Variants in NOC4L observed in about 807,000 individuals in gnomAD.
NOC4L encodes the protein nucleolar complex protein 4 homolog.
NOC4L carries 40 observed loss-of-function variants against 62.8 expected under a neutral mutation model. That is an observed-to-expected ratio of 0.64 (90% CI 0.49 to 0.83). The LOEUF (loss-of-function observed/expected upper bound fraction) is 0.83, where lower values mean the gene tolerates loss of function less well. Ranked by LOEUF, NOC4L falls within the 40% of genes least tolerant of loss-of-function variation. The pLI is 0.00. For missense variants in NOC4L, 927 were observed against 701.9 expected (o/e 1.32, Z -3.62); for synonymous variants, 433 against 299.8 (o/e 1.44, Z -4.59).
chr12:132,151,838 A>C lies in NOC4L; in HGVS notation c.1317+18A>C. On this transcript the variant is annotated intron_variant, in intron 13 of 14. Coordinates refer to ENST00000330579, the MANE Select transcript of NOC4L (RefSeq NM_024078.3). ...AGCTTCAGGTGAGGGCGCTGCTGCCACACCCTGGGGCCTCCCGAGCCATCC... is the reference window on the plus strand; with the variant it reads ...AGCTTCAGGTGAGGGCGCTGCTGCCCCACCCTGGGGCCTCCCGAGCCATCC... The C allele has an allele frequency of 6.2e-7, 1 of 1,606,510 alleles. No homozygotes were observed. The highest frequency in any genetic ancestry group is 8.5e-7 in the Non-Finnish European group (1 of 1,175,938).
intron 10 of NOC4L, 27 bp from the exon 11 acceptor site, chr12:132,151,231 C>G: frequency 1.3e-6 from 2 of 1,582,016 alleles, no homozygotes; most frequent in Non-Finnish European, 1.7e-6. Context: ...CCTGCTCCAT[C>G]CGCTGCTCCT....
Position 132,144,562 on chromosome 12 carries a change from G to T in NOC4L, c.74G>T (p.Arg25Leu). The change falls in exon 1 of 15, where the codon CGC becomes CTC. Residue 25 changes from arginine (R) to leucine (L), a missense_variant. Coordinates refer to ENST00000330579, the MANE Select transcript of NOC4L (RefSeq NM_024078.3). ...GRRLEAVLAS[R>L]SEANAVFDIL... The stretch of plus-strand genomic sequence containing the variant: ...CGGCTGGAGGCGGTGCTGGCGAGCC[G>T]CAGTGAGGCCAACGCCGTGTTCGAC... 6.6e-7 allele frequency: 1 copy of T among 1,521,458 alleles called. No individual in the cohort carries two copies. The highest frequency in any genetic ancestry group is 8.8e-7 in the Non-Finnish European group (1 of 1,142,364). The allele number at this position is 1,521,458 out of a possible 1,614,324, so 94.2% of individuals were successfully genotyped here. A position where few individuals can be genotyped will look rare whatever the true frequency, so the allele number is the denominator to read the frequency against.
chr12:132,151,230 T>C (rs753800497), intron 10 of NOC4L, 28 bp from the exon 11 acceptor site: 66 of 1,580,732 alleles, frequency 4.2e-5, no homozygotes, highest in African/African-American at 5.4e-5. Context: ...CCCTGCTCCA[T>C]CCGCTGCTCC....
chr12:132,146,126 A>G, intron 3 of NOC4L: 1 of 406,916 alleles, frequency 2.5e-6, no homozygotes, highest in Non-Finnish European at 5.0e-6. Flanking sequence ...CCCGAAAAGA[A>G]ATCCTGTACC....
rs369175365 is a variant in NOC4L, at chr12:132,150,963, G to T, written c.902-18G>T. On this transcript the variant is annotated intron_variant, in intron 9 of 14. Coordinates refer to ENST00000330579, the MANE Select transcript of NOC4L (RefSeq NM_024078.3). ...AGCGAGGTCACTGCAGCTCCAGCCT[G>T]TGTCTGTCTGTCTGCAGGGGGGGCC... 3.3e-5 allele frequency: 52 copies of T among 1,595,088 alleles called. No individual in the cohort carries two copies. Among genetic ancestry groups the T allele is most frequent in the Admixed American group, 1.0e-4 (6 of 58,954 alleles).
Position 132,148,762 on chromosome 12 carries a change from C to T in NOC4L, c.790-22C>T. 2.1e-6 allele frequency: 3 copies of T among 1,431,592 alleles called. No individual in the cohort carries two copies. The East Asian group carries it at 7.7e-5, about 37-fold the overall frequency. 88.7% of individuals were successfully genotyped at this position (1,431,592 alleles called of 1,614,324 possible). A position where few individuals can be genotyped will look rare whatever the true frequency, so the allele number is the denominator to read the frequency against. Reference sequence around the variant, plus strand: ...GCCCCCGCCCACCCGCCCCTCACCCCCACCTGCCGGCCCCCGCCCAGCTGC... The same window carrying T: ...GCCCCCGCCCACCCGCCCCTCACCCTCACCTGCCGGCCCCCGCCCAGCTGC... On this transcript the variant is annotated intron_variant, in intron 8 of 14. Coordinates refer to ENST00000330579, the MANE Select transcript of NOC4L (RefSeq NM_024078.3).
chr12:132,151,419 G>A (rs372430789), intron 11 of NOC4L, 51 bp downstream of exon 11: 17 of 1,602,076 alleles, frequency 1.1e-5, no homozygotes, highest in African/African-American at 6.7e-5. Flanking sequence ...CTGCAGCCTG[G>A]GGCCAGGGGA....
chr12:132,148,600 C>G lies in NOC4L; in HGVS notation c.739-9C>G, dbSNP rs1358725743. 2 of 1,549,484 alleles carry G rather than the reference C, an allele frequency of 1.3e-6. No homozygotes were observed. Among genetic ancestry groups the G allele is most frequent in the African/African-American group, 2.7e-5 (2 of 72,848 alleles). ...GAGGGCGGCGAGTGCAGTCTGGACC[C>G]CGTTGCAGGAGCACAGGAGGGTTTT... On this transcript the variant is annotated splice_polypyrimidine_tract_variant and intron_variant, in intron 7 of 14. Coordinates refer to ENST00000330579, the MANE Select transcript of NOC4L (RefSeq NM_024078.3).
In NOC4L at chr12:132,147,956, C is replaced by T. The variant is rs1171633950; in HGVS notation, c.680C>T (p.Ser227Phe). ...CTGCCCCGCCGGGAGCCCACCGTCTCCAGCTTCTATGTGAAGCGGGCGGGT... is the reference window on the plus strand; with the variant it reads ...CTGCCCCGCCGGGAGCCCACCGTCTTCAGCTTCTATGTGAAGCGGGCGGGT... The part of the protein sequence containing the change: ...VSLPRREPTV[S>F]SFYVKRAELW... The change falls in exon 6 of 15, where the codon TCC becomes TTC. Residue 227 changes from serine (S) to phenylalanine (F), a missense_variant. Ser to Phe is a radical substitution (Grantham distance 155). Coordinates refer to ENST00000330579, the MANE Select transcript of NOC4L (RefSeq NM_024078.3). The T allele has an allele frequency of 1.4e-5, 22 of 1,609,952 alleles. No homozygotes were observed. The highest frequency in any genetic ancestry group is 1.9e-5 in the Non-Finnish European group (22 of 1,178,568).
Position 132,148,845 on chromosome 12 carries a change from T to C in NOC4L, c.851T>C (p.Leu284Pro). Residue 284 changes from leucine (L) to proline (P), a missense_variant, in exon 9 of 15, where the codon CTG becomes CCG. Transcript: ENST00000330579. Reference protein sequence around the residue: ...LIVHDAILPQLAQPTLMIDFL... With the variant: ...LIVHDAILPQPAQPTLMIDFL... The stretch of plus-strand genomic sequence containing the variant: ...GTGCATGACGCCATCCTGCCGCAGC[T>C]GGCGCAGCCCACGCTCATGATCGAC... The C allele has an allele frequency of 6.2e-7, 1 of 1,602,834 alleles. No individual in the cohort carries two copies. The highest frequency in any genetic ancestry group is 8.5e-7 in the Non-Finnish European group (1 of 1,178,696).
chr12:132,145,295 T>G (rs1439054752), intron 2 of NOC4L, among the ~76,000 whole-genome samples: 1 of 152,090 alleles, frequency 6.6e-6, no homozygotes, highest in Non-Finnish European at 1.5e-5. Context: ...GGACGTCAGG[T>G]CTTGGAGTAA....
rs199897574 is a variant in NOC4L at position 132,147,706 on chromosome 12, A to G, written c.527A>G (p.Asp176Gly). 5 of 1,612,760 alleles carry G rather than the reference A, an allele frequency of 3.1e-6. No homozygotes were observed. The highest frequency in any genetic ancestry group is 4.2e-6 in the Non-Finnish European group (5 of 1,179,956). Residue 176 changes from aspartate (D) to glycine (G), a missense_variant, in exon 5 of 15, where the codon GAC (aspartate) becomes GGC (glycine). By Grantham distance (94) the Asp-to-Gly change is moderately conservative. Coordinates refer to ENST00000330579, the MANE Select transcript of NOC4L (RefSeq NM_024078.3). ...CTGTCCCAGTTCCGGGAGTACCTGG[A>G]CTACGACGACACCCGCTACCACACC... is the stretch of plus-strand genomic sequence containing the variant. Reference protein sequence around the residue: ...LLLSQFREYLDYDDTRYHTMQ... With the variant: ...LLLSQFREYLGYDDTRYHTMQ...
chr12:132,147,236 G>T, intron 3 of NOC4L, 45 bp from the exon 4 acceptor site: 4 of 1,380,644 alleles, frequency 2.9e-6, no homozygotes, highest in Non-Finnish European at 2.9e-6. Flanking sequence ...GGGCCCATCC[G>T]TGGGGTGAGG....
chr12:132,145,006 C>T (rs768887795), intron 2 of NOC4L, 32 bp downstream of exon 2: 4 of 1,565,460 alleles, frequency 2.6e-6, no homozygotes, highest in Non-Finnish European at 1.7e-6. Context: ...GGCTGCTCTT[C>T]TCTTTCCGTG....
At position 132,152,137 on chromosome 12, in the gene NOC4L, C is replaced by T. The variant is rs372798627; in HGVS notation, c.1371C>T (p.Asn457=). The T allele has an allele frequency of 2.5e-6, 4 of 1,611,460 alleles. No homozygotes were observed. Among genetic ancestry groups the T allele is most frequent in the African/African-American group, 2.7e-5 (2 of 74,984 alleles). ...TGTCCAAAGCCGCCAGCGTCATCAA[C>T]CAGGCCCTGTCCATGCCTGAGGTCA... ...PEVSKAASVI[N]QALSMPEVSI... Residue 457 remains asparagine (N), a synonymous_variant, in exon 14 of 15, where the codon AAC becomes AAT. Coordinates refer to ENST00000330579, the MANE Select transcript of NOC4L (RefSeq NM_024078.3).
Position 132,151,328 on chromosome 12 carries a change from G to A in NOC4L, c.1033G>A (p.Ala345Thr), listed in dbSNP as rs149558270. The stretch of plus-strand genomic sequence containing the variant: ...CTCTGTCTTTCACGTCAAGTACCGC[G>A]CCCGCTTCTTCCACCTGGCTGACCT... ...DPSVFHVKYRARFFHLADLFL... is the reference protein window; with the variant it reads ...DPSVFHVKYRTRFFHLADLFL... Residue 345 changes from alanine (A) to threonine (T), a missense_variant, in exon 11 of 15, where the codon GCC (alanine) becomes ACC (threonine). Transcript: ENST00000330579. 2.7e-4 allele frequency: 433 copies of A among 1,611,440 alleles called. No homozygotes were observed. Among genetic ancestry groups the A allele is most frequent in the African/African-American group, 2.2e-3 (165 of 75,020 alleles).
In NOC4L at chr12:132,144,855, C is replaced by T. The variant is rs1897647912; in HGVS notation, c.119C>T (p.Ser40Phe). The change falls in exon 2 of 15, where the codon TCT becomes TTT. Residue 40 changes from serine to phenylalanine, a missense_variant and splice_region_variant. Transcript: ENST00000330579. Reference protein sequence around the residue: ...AVFDILAVLQSEDQEEIQEAV... With the variant: ...AVFDILAVLQFEDQEEIQEAV... Reference sequence around the variant, plus strand: ...ACCCTGCCGCCGCCTCTCCTGCAGTCTGAGGACCAGGAGGAGATCCAGGAA... The same window carrying T: ...ACCCTGCCGCCGCCTCTCCTGCAGTTTGAGGACCAGGAGGAGATCCAGGAA... 1.2e-6 allele frequency: 2 copies of T among 1,600,468 alleles called. No homozygotes were observed. Among genetic ancestry groups the T allele is most frequent in the Non-Finnish European group, 1.7e-6 (2 of 1,175,534 alleles).
At position 132,148,864 on chromosome 12, in the gene NOC4L, G is replaced by A. The variant is rs1157676784; in HGVS notation, c.870G>A (p.Met290Ile). The A allele has an allele frequency of 1.2e-6, 2 of 1,600,592 alleles. No homozygotes were observed. Among genetic ancestry groups the A allele is most frequent in the Admixed American group, 1.7e-5 (1 of 59,728 alleles). Residue 290 changes from methionine to isoleucine, a missense_variant, in exon 9 of 15, where the codon ATG becomes ATA. Coordinates refer to ENST00000330579, the MANE Select transcript of NOC4L (RefSeq NM_024078.3). ...ILPQLAQPTL[M>I]IDFLTRACDL... ...CGCAGCTGGCGCAGCCCACGCTCATGATCGACTTCCTCACCCGCGCCTGCG... is the reference window on the plus strand; with the variant it reads ...CGCAGCTGGCGCAGCCCACGCTCATAATCGACTTCCTCACCCGCGCCTGCG...
rs563318807 is a variant in NOC4L, at chr12:132,144,859, G to A, written c.123G>A (p.Glu41=). Reference sequence around the variant, plus strand: ...TGCCGCCGCCTCTCCTGCAGTCTGAGGACCAGGAGGAGATCCAGGAAGCAG... The same window carrying A: ...TGCCGCCGCCTCTCCTGCAGTCTGAAGACCAGGAGGAGATCCAGGAAGCAG... ...VFDILAVLQS[E]DQEEIQEAVR... Residue 41 remains glutamate, a synonymous_variant, in exon 2 of 15, where the codon GAG becomes GAA. Transcript: ENST00000330579. 34 of 1,600,600 alleles carry A rather than the reference G, an allele frequency of 2.1e-5. 1 individual carries two copies. The East Asian group carries it at 4.7e-4, about 22-fold the overall frequency.
Sources: allele counts gnomAD v4.1 joint callset (sites outside exome capture counted in the v4.1 genomes callset), GRCh38; gene constraint gnomAD v4.1.1; transcripts MANE v1.5; gene names NCBI Gene and HGNC (gene_info 2026-07-23, HGNC 2026-07-21).